ICE2: variants seen among roughly 807,000 people sequenced by gnomAD.
ICE2 encodes the protein little elongation complex subunit 2.
ICE2 carries 87 observed loss-of-function variants against 105.4 expected under a neutral mutation model. That is an observed-to-expected ratio of 0.83 (90% CI 0.69 to 0.99). The LOEUF is 0.99. ICE2 is among the 50% of genes least tolerant of loss of function. The pLI is 0.00. For synonymous variants in ICE2, 399 were observed against 392.0 expected, an observed-to-expected ratio of 1.02 and a Z score of -0.21; for missense variants, 1,323 against 1,146.7, an observed-to-expected ratio of 1.15 and a Z score of -2.22.
intron 3 of ICE2, among the ~76,000 whole-genome samples, chr15:60,475,485 A>G (rs1296113742): frequency 6.6e-6 from 1 of 152,196 alleles, no homozygotes. Flanking sequence ...AAGGGAACAC[A>G]ACGTTTTGCA....
intron 9 of ICE2, chr15:60,452,147 T>TA: frequency 2.0e-6 from 2 of 981,060 alleles, no homozygotes; most frequent in Non-Finnish European, 2.4e-6. Flanking sequence ...GGCAGATTTT[T>TA]AAAAGTAAAA....
At chr15:60,471,614 C>T (rs1393476085) in intron 3 of ICE2, among the ~76,000 whole-genome samples, 2 of 152,196 alleles carry the variant, frequency 1.3e-5, no homozygotes, top group East Asian at 1.9e-4. Context: ...ACATCAAGAT[C>T]ATTTCCTTGT....
chr15:60,453,494 T>C (rs12324091), intron 9 of ICE2, 109 bp downstream of exon 9: 394,302 of 1,473,950 alleles, frequency 0.27, 55,315 homozygotes, highest in Middle Eastern at 0.34. Context: ...AGTTTGAATC[T>C]AAAGCCTGTA....
chr15:60,432,297 C>A (rs1371312244), intron 13 of ICE2, among the ~76,000 whole-genome samples: 1 of 148,484 alleles, frequency 6.7e-6, no homozygotes, highest in African/African-American at 2.5e-5. Context: ...AAGTGATTCT[C>A]TTGCCTCAGC....
chr15:60,471,127 C>G (rs1455434115), intron 3 of ICE2, among the ~76,000 whole-genome samples: 1 of 152,112 alleles, frequency 6.6e-6, no homozygotes, highest in Non-Finnish European at 1.5e-5. Flanking sequence ...TAAGACCACT[C>G]TCTCAGAGCT....
At chr15:60,448,754 A>C in intron 10 of ICE2, 94 bp downstream of exon 10, 2 of 1,085,604 alleles carry the variant, frequency 1.8e-6, no homozygotes, top group South Asian at 1.7e-5. Context: ...GACAATTACA[A>C]AACAGGTTAT....
chr15:60,474,673 C>T (rs139617174), intron 3 of ICE2, among the ~76,000 whole-genome samples: 1 of 152,268 alleles, frequency 6.6e-6, no homozygotes, highest in Non-Finnish European at 1.5e-5. Context: ...TTCTGTATGT[C>T]TTACAGCTTT....
chr15:60,454,963 T>C, intron 8 of ICE2, 40 bp downstream of exon 8: 1 of 1,503,810 alleles, frequency 6.6e-7, no homozygotes, highest in Non-Finnish European at 8.9e-7. Context: ...GTCCAACTTC[T>C]CTTTTTTGAG....
At chr15:60,430,803 T>C (rs1450418788) in intron 14 of ICE2, among the ~76,000 whole-genome samples, 1 of 152,218 alleles carries the variant, frequency 6.6e-6, no homozygotes, top group Non-Finnish European at 1.5e-5. Flanking sequence ...AACAAAACAG[T>C]TTGGCAAATC....
chr15:60,473,457 C>T (rs1423436861), intron 3 of ICE2, among the ~76,000 whole-genome samples: 1 of 151,888 alleles, frequency 6.6e-6, no homozygotes, highest in Admixed American at 6.6e-5. Context: ...CCACACCTGG[C>T]TATTTTTTGT....
intron 12 of ICE2, chr15:60,441,480 G>A (rs2063719273): frequency 6.6e-6 from 1 of 152,096 alleles, no homozygotes; most frequent in African/African-American, 2.4e-5. Context: ...AATTTTATTA[G>A]ACTCAACACA....
At chr15:60,470,215 TGAA>T (rs1317318455) in intron 3 of ICE2, among the ~76,000 whole-genome samples, 1 of 152,044 alleles carries the variant, frequency 6.6e-6, no homozygotes, top group African/African-American at 2.4e-5. Context: ...GACAAGTCAA[TGAA>T]GAAGAAAGAA....
At chr15:60,438,557 CATA>C (rs2063647772) in intron 12 of ICE2, 1 of 152,110 alleles carries the variant, frequency 6.6e-6, no homozygotes, top group South Asian at 2.1e-4. Flanking sequence ...AAATACTAAG[CATA>C]ATAACTTTTA....
chr15:60,436,267 C>A (rs2063584698), intron 12 of ICE2, 40 bp from the exon 13 acceptor site: 15 of 744,238 alleles, frequency 2.0e-5, no homozygotes, highest in South Asian at 5.2e-5. Context: ...GAAGCAATTG[C>A]AGTATTTAGA....
At chr15:60,429,698 T>A (rs1180955328) in intron 14 of ICE2, among the ~76,000 whole-genome samples, 3 of 152,300 alleles carry the variant, frequency 2.0e-5, no homozygotes, top group African/African-American at 7.2e-5. Context: ...TACATTTTCA[T>A]CAATTTTTAA....
rs2063911757 is a variant in ICE2 at position 60,449,597 on chromosome 15, G to A, written c.1370C>T (p.Ser457Phe). 3.1e-6 allele frequency: 5 copies of A among 1,614,148 alleles called. No homozygotes were observed. Among genetic ancestry groups the A allele is most frequent in the Non-Finnish European group, 4.2e-6 (5 of 1,180,030 alleles). The change falls in exon 10 of 16, where the codon TCT (serine) becomes TTT (phenylalanine). Residue 457 changes from serine to phenylalanine, a missense_variant. Physicochemically the swap from Ser to Phe is radical, Grantham distance 155 (BLOSUM62 -2). Transcript: ENST00000261520. ...PDISANSRSLSQILMEQLQKE... is the reference protein window; with the variant it reads ...PDISANSRSLFQILMEQLQKE... Reference sequence around the variant, plus strand: ...TTGCAATTGTTCCATCAGAATCTGAGATAAACTTCTAGAATTAGCAGAAAT... The same window carrying A: ...TTGCAATTGTTCCATCAGAATCTGAAATAAACTTCTAGAATTAGCAGAAAT...
At chr15:60,424,282 T>TAA (rs139152945) in intron 15 of ICE2, among the ~76,000 whole-genome samples, 3 of 138,162 alleles carry the variant, frequency 2.2e-5, no homozygotes, top group African/African-American at 5.3e-5. Flanking sequence ...AAAAGGGAAG[T>TAA]AAAAAAAAAA....
At chr15:60,447,610 T>G (rs2063851193) in intron 11 of ICE2, 1 of 163,184 alleles carries the variant, frequency 6.1e-6, no homozygotes, top group Non-Finnish European at 1.3e-5. Context: ...AAACAAAGTT[T>G]TGACTGGAGT....
At chr15:60,434,789 T>C (rs7497668) in intron 13 of ICE2, among the ~76,000 whole-genome samples, 79,230 of 152,016 alleles carry the variant, frequency 0.52, 22,637 homozygotes, top group East Asian at 0.84. Context: ...AGAAGCTGGT[T>C]AAGGGATTAG....
Sources: gnomAD v4.1 joint callset for allele counts (sites outside exome capture counted in the v4.1 genomes callset) on GRCh38, gnomAD v4.1.1 for gene constraint, MANE v1.5 for transcripts, NCBI Gene and HGNC (gene_info 2026-07-23, HGNC 2026-07-21) for gene names.